Variants in PECR observed in about 807,000 individuals in gnomAD.
PECR encodes the protein 2,4-dienoyl-CoA reductase-related protein.
A neutral mutation model predicts 35.3 loss-of-function variants in PECR; 30 were observed. The ratio of observed to expected loss-of-function variants is 0.85; its 90% confidence interval spans 0.64 to 1.15. PECR has a LOEUF of 1.15. Ranked by LOEUF, PECR falls within the 50% of genes most tolerant of loss-of-function variation. PECR has a pLI of 0.00. For missense variants in PECR, 392 were observed against 370.8 expected (o/e 1.06, Z -0.47); for synonymous variants, 148 against 138.9 (o/e 1.07, Z -0.46).
intron 1 of PECR, 142 bp from the exon 2 acceptor site, chr2:216,066,660 A>G: frequency 1.3e-6 from 1 of 763,188 alleles, no homozygotes; most frequent in Non-Finnish European, 2.3e-6. Flanking sequence ...TAATATTGAA[A>G]AAATATATCA....
chr2:216,056,721 CAGAAAAAAAAA>C lies in PECR; in HGVS notation c.506+2163_506+2173del, dbSNP rs968611406. On this transcript the variant is annotated intron_variant, in intron 4 of 7. Coordinates refer to ENST00000265322, the MANE Select transcript of PECR (RefSeq NM_018441.6). ...GGGCAACAGGAGCAAAACTCCATCTCAGAAAAAAAAAAAAAAAAAAAGGAAAGAAAGAAAAA... is the reference window on the plus strand; with the variant it reads ...GGGCAACAGGAGCAAAACTCCATCTCAAAAAAAAAAGGAAAGAAAGAAAAA... Among the ~76,000 whole-genome samples the C allele has an allele frequency of 8.5e-3, 796 of 93,290 alleles. 12 individuals are homozygous for C. Among genetic ancestry groups the C allele is most frequent in the African/African-American group, 0.035 (756 of 21,874 alleles). 61.2% of individuals were successfully genotyped at this position (93,290 alleles called of 152,430 possible).
At chr2:216,037,970 A>T (rs747995872), downstream of PECR, among the ~76,000 whole-genome samples, 10 of 152,108 alleles carry the variant, frequency 6.6e-5, no homozygotes, top group Non-Finnish European at 1.2e-4. Context: ...CTGTCATCCC[A>T]GCTACGCAGG....
At chr2:216,075,507 C>T (rs1474419037) in intron 1 of PECR, among the ~76,000 whole-genome samples, 2 of 152,136 alleles carry the variant, frequency 1.3e-5, no homozygotes, top group Non-Finnish European at 2.9e-5. Flanking sequence ...TATTGCAAAC[C>T]TCTTATGCTA....
intron 7 of PECR, among the ~76,000 whole-genome samples, chr2:216,031,419 AG>A (rs1206594682): frequency 1.6e-5 from 1 of 63,562 alleles, no homozygotes; most frequent in African/African-American, 5.1e-5. Context: ...GAAGAAAGGA[AG>A]AAAGAAAGAA....
At chr2:216,042,962 T>C (rs1179084403) in intron 7 of PECR, among the ~76,000 whole-genome samples, 6 of 108,720 alleles carry the variant, frequency 5.5e-5, no homozygotes, top group African/African-American at 2.1e-4. Flanking sequence ...TATATATATA[T>C]ACACATACGT....
chr2:216,055,647 A>C (rs1695211301), intron 4 of PECR, among the ~76,000 whole-genome samples: 2 of 152,060 alleles, frequency 1.3e-5, no homozygotes, highest in African/African-American at 2.4e-5. Flanking sequence ...AAGAGTAAAA[A>C]GATCCTCCAA....
chr2:216,044,613 C>T (rs142448296), intron 6 of PECR, among the ~76,000 whole-genome samples: 1 of 152,196 alleles, frequency 6.6e-6, no homozygotes, highest in African/African-American at 2.4e-5. Flanking sequence ...GAGGTGGGAG[C>T]ATTGCGTGGG....
chr2:216,031,065 C>T (rs1047585401), intron 7 of PECR, among the ~76,000 whole-genome samples: 4 of 151,922 alleles, frequency 2.6e-5, no homozygotes, highest in Non-Finnish European at 4.4e-5. Flanking sequence ...ACTGAAATAT[C>T]TGTCTTCTGT....
chr2:216,061,505 T>G (rs1472313541), intron 3 of PECR, among the ~76,000 whole-genome samples: 1 of 152,020 alleles, frequency 6.6e-6, no homozygotes, highest in Non-Finnish European at 1.5e-5. Context: ...AAATTTAAGA[T>G]GACCAATAGT....
In PECR at chr2:216,039,296, A is replaced by T. The variant is rs9288513; in HGVS notation, c.891T>A (p.Phe297Leu). 0.12 allele frequency: 187,868 copies of T among 1,600,236 alleles called. 13,508 individuals are homozygous for T. Among genetic ancestry groups the T allele is most frequent in the East Asian group, 0.26 (11,422 of 44,772 alleles). The change falls in exon 8 of 8, where the codon TTT (phenylalanine) becomes TTA (leucine). Residue 297 changes from phenylalanine to leucine, a missense_variant. By Grantham distance (22) the Phe-to-Leu change is conservative. Coordinates refer to ENST00000265322, the MANE Select transcript of PECR (RefSeq NM_018441.6). ...CAGCTCAGAGCTTAGCTTTCTCCTT[A>T]AAGGTCTCCTTCATCTTTTTGACAA... ...LSVVKKMKETFKEKAKL is the reference protein window; with the variant it reads ...LSVVKKMKETLKEKAKL
intron 1 of PECR, among the ~76,000 whole-genome samples, chr2:216,067,786 C>T (rs999106017): frequency 2.6e-5 from 4 of 151,542 alleles, no homozygotes; most frequent in African/African-American, 7.3e-5. Context: ...CAATCTCTTG[C>T]GCCTGTCTAA....
chr2:216,065,364 C>T lies in PECR; in HGVS notation c.372G>A (p.Trp124Ter), dbSNP rs1440530370. 1 of 1,610,818 alleles carries T rather than the reference C, an allele frequency of 6.2e-7. No homozygotes were observed. Among genetic ancestry groups the T allele is most frequent in the Non-Finnish European group, 8.5e-7 (1 of 1,176,974 alleles). Reference sequence around the variant, plus strand: ...TCAGGTTGGTCTCAAGCACAGCGTGCCATCCCTTAGAACTGATGTGTTCAG... The same window carrying T: ...TCAGGTTGGTCTCAAGCACAGCGTGTCATCCCTTAGAACTGATGTGTTCAG... ...SPAEHISSKG[W>*]HAVLETNLTG... is the part of the protein sequence containing the mutation. Residue 124 changes from tryptophan to a stop codon, truncating the protein, a stop_gained, in exon 3 of 8, where the codon TGG becomes TGA. Transcript: ENST00000265322. LOFTEE classifies it high-confidence loss of function.
chr2:216,058,395 C>A (rs1173338334), intron 4 of PECR, among the ~76,000 whole-genome samples: 1 of 152,106 alleles, frequency 6.6e-6, no homozygotes, highest in Non-Finnish European at 1.5e-5. Context: ...TGTCTGTGTA[C>A]AGAGTGGCTA....
In PECR at chr2:216,081,614, G is replaced by T. The variant is rs557393330; in HGVS notation, c.124+4C>A. On this transcript the variant is annotated splice_donor_region_variant and intron_variant, in intron 1 of 7. Transcript: ENST00000265322. ...CTCTCTGCACCAGCGGCCCGCTCAC[G>T]TACCCAGCTCCAGGAGCTCCTTCAC... 1.9e-6 allele frequency: 3 copies of T among 1,613,530 alleles called. No individual in the cohort carries two copies. Among genetic ancestry groups the T allele is most frequent in the Middle Eastern group, 3.3e-4 (2 of 6,078 alleles).
chr2:216,077,097 A>C (rs1404763465), intron 1 of PECR, among the ~76,000 whole-genome samples: 1 of 151,650 alleles, frequency 6.6e-6, no homozygotes, highest in African/African-American at 2.4e-5. Flanking sequence ...TGGGGTTTCT[A>C]TATGTTGGTC....
chr2:216,046,289 C>CAT (rs1307643558), intron 6 of PECR, among the ~76,000 whole-genome samples: 1,837 of 107,682 alleles, frequency 0.017, 105 homozygotes, highest in African/African-American at 0.053. Context: ...TATATATATA[C>CAT]ATACATATAT....
At chr2:216,054,460 C>T (rs183259659) in intron 4 of PECR, among the ~76,000 whole-genome samples, 34 of 149,334 alleles carry the variant, frequency 2.3e-4, no homozygotes, top group Middle Eastern at 3.5e-3. Flanking sequence ...CTCAGCCCCC[C>T]GAGTAGCTAA....
At chr2:216,038,080 A>G (rs1376811882), downstream of PECR, among the ~76,000 whole-genome samples, 1 of 151,658 alleles carries the variant, frequency 6.6e-6, no homozygotes, top group Admixed American at 6.6e-5. Context: ...GTGAGACTCC[A>G]TCTTAAAAAT....
At chr2:216,043,848 A>G (rs1694942207) in intron 7 of PECR, 56 bp downstream of exon 7, 1 of 888,060 alleles carries the variant, frequency 1.1e-6, no homozygotes, top group Non-Finnish European at 1.9e-6. Flanking sequence ...TAAATTTTAA[A>G]CCCCTGAACA....
Sources: gnomAD v4.1 joint callset for allele counts (sites outside exome capture counted in the v4.1 genomes callset) on GRCh38, gnomAD v4.1.1 for gene constraint, MANE v1.5 for transcripts, NCBI Gene and HGNC (gene_info 2026-07-23, HGNC 2026-07-21) for gene names.